The following CCDC93 variants were observed in gnomAD, a reference collection of about 807,000 sequenced individuals.
CCDC93 encodes the protein CCC complex scaffolding subunit CCDC93, also known as coiled-coil domain-containing protein 93.
A neutral mutation model predicts 108.2 loss-of-function variants in CCDC93; 61 were observed. The observed-to-expected ratio is 0.56, with a 90% CI of 0.46 to 0.70. CCDC93 has a LOEUF of 0.70. CCDC93 is among the 30% of genes least tolerant of loss of function. The pLI is 0.00. For synonymous variants in CCDC93, 276 were observed against 260.4 expected (o/e 1.06, Z -0.58); for missense variants, 685 against 764.2 (o/e 0.90, Z 1.22).
chr2:117,947,403 C>A (rs1435211541), intron 15 of CCDC93, among the ~76,000 whole-genome samples: 3 of 152,158 alleles, frequency 2.0e-5, no homozygotes, highest in African/African-American at 7.2e-5. Flanking sequence ...GTTGCCAGAA[C>A]ACGCATCACC....
At chr2:117,993,327 C>T (rs899104797) in intron 6 of CCDC93, among the ~76,000 whole-genome samples, 1 of 147,502 alleles carries the variant, frequency 6.8e-6, no homozygotes, top group Non-Finnish European at 1.5e-5. Flanking sequence ...ACCCGGGAGG[C>T]AGAGGTTGCA....
At position 117,988,550 on chromosome 2, in the gene CCDC93, A is replaced by T. The variant is rs1217683276; in HGVS notation, c.520-2481T>A. 3.3e-5 allele frequency among the ~76,000 whole-genome samples: 5 copies of T among 152,220 alleles called. No individual in the cohort carries two copies. In the East Asian group the frequency reaches 9.6e-4, roughly 29 times the overall value. ...ATTGACCTTAACAGTTCATCTTTGC[A>T]GCCCAAACCCAACTCCAACAGATCC... On this transcript the variant is annotated intron_variant, in intron 6 of 23. Transcript: ENST00000376300.
chr2:117,982,535 A>C (rs1390683455), intron 7 of CCDC93, among the ~76,000 whole-genome samples: 1 of 152,226 alleles, frequency 6.6e-6, no homozygotes, highest in Non-Finnish European at 1.5e-5. Flanking sequence ...ACTGAGAGTC[A>C]AAATGGGGGA....
At chr2:117,943,264 C>A (rs1236481379) in intron 18 of CCDC93, among the ~76,000 whole-genome samples, 1 of 152,186 alleles carries the variant, frequency 6.6e-6, no homozygotes, top group African/African-American at 2.4e-5. Flanking sequence ...GATGGGTCAT[C>A]CTATTTATTA....
intron 12 of CCDC93, among the ~76,000 whole-genome samples, chr2:117,957,990 G>C (rs2104755488): frequency 6.6e-6 from 1 of 152,310 alleles, no homozygotes; most frequent in East Asian, 1.9e-4. Flanking sequence ...CATCCCAATA[G>C]CTAGTTCAGT....
chr2:117,949,904 G>A, intron 13 of CCDC93: 1 of 985,412 alleles, frequency 1.0e-6, no homozygotes, highest in Non-Finnish European at 1.2e-6. Flanking sequence ...TGTGGAGTTA[G>A]CAGACGTAGG....
intron 1 of CCDC93, among the ~76,000 whole-genome samples, chr2:118,013,308 G>A (rs551937981): frequency 4.6e-5 from 7 of 152,224 alleles, no homozygotes; most frequent in Non-Finnish European, 1.5e-5. Flanking sequence ...CCAGAGCCGG[G>A]TCCCCCGCCA....
intron 4 of CCDC93, chr2:117,997,577 A>G (rs971369123): frequency 6.6e-6 from 1 of 152,256 alleles, no homozygotes; most frequent in Admixed American, 6.5e-5. Flanking sequence ...AGTAAAGCAC[A>G]TGTTTAGGAA....
chr2:117,928,381 C>T (rs1358077864), intron 23 of CCDC93, among the ~76,000 whole-genome samples: 1 of 152,074 alleles, frequency 6.6e-6, no homozygotes, highest in African/African-American at 2.4e-5. Flanking sequence ...GGGCTAATAT[C>T]CAGAATCTAC....
chr2:117,951,242 C>T (rs1679048220), intron 13 of CCDC93: 40 of 985,378 alleles, frequency 4.1e-5, no homozygotes, highest in Non-Finnish European at 4.3e-5. Flanking sequence ...GGCTCCCAAC[C>T]CGCAGAGCTT....
At chr2:117,979,056 C>T (rs1680033015) in intron 7 of CCDC93, among the ~76,000 whole-genome samples, 1 of 152,134 alleles carries the variant, frequency 6.6e-6, no homozygotes, top group African/African-American at 2.4e-5. Context: ...TACTCTGTGC[C>T]TCACTTCTGG....
At chr2:117,950,642 C>A (rs768035058) in intron 13 of CCDC93, 104 of 985,316 alleles carry the variant, frequency 1.1e-4, no homozygotes, top group Non-Finnish European at 1.1e-4. Context: ...TCAGAGCGCT[C>A]ATTCTGCTTA....
intron 8 of CCDC93, among the ~76,000 whole-genome samples, chr2:117,975,705 A>G (rs527497239): frequency 6.6e-6 from 1 of 152,232 alleles, no homozygotes; most frequent in Non-Finnish European, 1.5e-5. Context: ...ACAACAGAAC[A>G]TGCCAGAGTG....
At position 117,917,634 on chromosome 2, in the gene CCDC93, C is replaced by G. The variant is rs1171977670; in HGVS notation, c.*2709G>C. On this transcript the variant is annotated 3_prime_UTR_variant, in exon 24 of 24. Transcript: ENST00000376300. The stretch of plus-strand genomic sequence containing the variant: ...GTGACTCTGACGACTGTTTAACATT[C>G]TGTACCTCCCTCTAGTGGTGTTAGC... 6.6e-6 allele frequency: 1 copy of G among 152,310 alleles called. No individual in the cohort carries two copies. The highest frequency in any genetic ancestry group is 1.5e-5 in the Non-Finnish European group (1 of 68,046). 9.4% of individuals were successfully genotyped at this position (152,310 alleles called of 1,614,324 possible).
At chr2:118,013,840 AG>A (rs1480254096) in intron 1 of CCDC93, 113 bp downstream of exon 1, 2 of 922,930 alleles carry the variant, frequency 2.2e-6, no homozygotes, top group Non-Finnish European at 3.2e-6. Context: ...GATACGCCTG[AG>A]GAAGGGGGCG....
chr2:118,006,505 T>C (rs1479506088), intron 3 of CCDC93, among the ~76,000 whole-genome samples: 1 of 152,244 alleles, frequency 6.6e-6, no homozygotes, highest in African/African-American at 2.4e-5. Context: ...TGAGCTGTCT[T>C]TGAAAGATAA....
rs973431570 is a variant in CCDC93 at position 117,919,024 on chromosome 2, A to G, written c.*1319T>C. On this transcript the variant is annotated 3_prime_UTR_variant, in exon 24 of 24. Coordinates refer to ENST00000376300, the MANE Select transcript of CCDC93 (RefSeq NM_019044.5). ...GTTTAAGCTTTTGTGTTACTGTGCAAACCTGCCACCTGGTATGTTTGCAAG... is the reference window on the plus strand; with the variant it reads ...GTTTAAGCTTTTGTGTTACTGTGCAGACCTGCCACCTGGTATGTTTGCAAG... The G allele has an allele frequency of 6.6e-6, 1 of 152,172 alleles. No homozygotes were observed. Among genetic ancestry groups the G allele is most frequent in the Non-Finnish European group, 1.5e-5 (1 of 68,052 alleles). The allele number at this position is 152,172 out of a possible 1,614,324, so 9.4% of individuals were successfully genotyped here. A position where few individuals can be genotyped will look rare whatever the true frequency, so the allele number is the denominator to read the frequency against.
At chr2:117,923,396 A>G (rs1677953284) in intron 23 of CCDC93, among the ~76,000 whole-genome samples, 1 of 152,162 alleles carries the variant, frequency 6.6e-6, no homozygotes, top group South Asian at 2.1e-4. Context: ...TGGCACCTGG[A>G]AAATTGGGTC....
At chr2:117,982,068 G>A (rs1449351657) in intron 7 of CCDC93, among the ~76,000 whole-genome samples, 1 of 152,072 alleles carries the variant, frequency 6.6e-6, no homozygotes, top group Non-Finnish European at 1.5e-5. Flanking sequence ...GTTGGGAGAG[G>A]TATGCCGTGT....
Sources: gnomAD v4.1 joint callset for allele counts (sites outside exome capture counted in the v4.1 genomes callset) on GRCh38, gnomAD v4.1.1 for gene constraint, MANE v1.5 for transcripts, NCBI Gene and HGNC (gene_info 2026-07-23, HGNC 2026-07-21) for gene names.